Variants in TRUB2 observed in about 807,000 individuals in gnomAD.
TRUB2 encodes the protein TruB pseudouridine synthase family member 2.
A neutral mutation model predicts 31.9 loss-of-function variants in TRUB2; 31 were observed. The observed-to-expected ratio is 0.97, with a 90% CI of 0.73 to 1.31. The LOEUF (loss-of-function observed/expected upper bound fraction) is 1.31, where lower values mean the gene tolerates loss of function less well. Among genes scored for constraint, TRUB2 ranks in the 50% most tolerant of loss-of-function variants. TRUB2 has a pLI of 0.00. For synonymous variants in TRUB2, 201 were observed against 182.6 expected (o/e 1.10, Z -0.81); for missense variants, 451 against 439.6 (o/e 1.03, Z -0.23).
At chr9:128,320,403 G>A (rs952975350) in intron 2 of TRUB2, among the ~76,000 whole-genome samples, 1 of 151,452 alleles carries the variant, frequency 6.6e-6, no homozygotes, top group Admixed American at 6.6e-5. Flanking sequence ...CACAACCTAA[G>A]CTCACCGCAA....
intron 3 of TRUB2, 34 bp from the exon 4 acceptor site, chr9:128,315,662 AC>A: frequency 6.2e-7 from 1 of 1,604,954 alleles, no homozygotes; most frequent in Non-Finnish European, 8.5e-7. Context: ...CACACCTGGG[AC>A]CCCCTTCCCA....
intron 3 of TRUB2, 53 bp downstream of exon 3, chr9:128,317,099 G>T: frequency 6.6e-7 from 1 of 1,504,168 alleles, no homozygotes. Context: ...GGTAGCTTCA[G>T]GATCTTTTCT....
At chr9:128,316,301 G>A (rs1245991494) in intron 3 of TRUB2, 1 of 152,388 alleles carries the variant, frequency 6.6e-6, no homozygotes, top group Non-Finnish European at 1.5e-5. Flanking sequence ...CTAAGGCAGG[G>A]AGAATTGCTT....
Position 128,307,885 on chromosome 9 carries a change from G to C in TRUB2, c.*1665C>G, listed in dbSNP as rs546040103. 2 of 151,756 alleles carry C rather than the reference G, an allele frequency of 1.3e-5. No homozygotes were observed. Among genetic ancestry groups the C allele is most frequent in the African/African-American group, 4.9e-5 (2 of 41,236 alleles). The allele number at this position is 151,756 out of a possible 1,614,324, so 9.4% of individuals were successfully genotyped here. A position where few individuals can be genotyped will look rare whatever the true frequency, so the allele number is the denominator to read the frequency against. On this transcript the variant is annotated 3_prime_UTR_variant, in exon 8 of 8. Coordinates refer to ENST00000372890, the MANE Select transcript of TRUB2 (RefSeq NM_015679.3). Reference sequence around the variant, plus strand: ...TCACTGCACTCCAGCCTGGGTGACAGAGCAAGACCCTGTCTAAAAAACAAA... The same window carrying C: ...TCACTGCACTCCAGCCTGGGTGACACAGCAAGACCCTGTCTAAAAAACAAA...
At chr9:128,311,176 G>T in intron 6 of TRUB2, 153 bp from the exon 7 acceptor site, 2 of 1,062,630 alleles carry the variant, frequency 1.9e-6, no homozygotes, top group Non-Finnish European at 2.7e-6. Context: ...CCAGGTGCCT[G>T]GTAGAGTCAG....
At chr9:128,312,787 G>C (rs1831995954) in intron 5 of TRUB2, among the ~76,000 whole-genome samples, 1 of 151,634 alleles carries the variant, frequency 6.6e-6, no homozygotes, top group Admixed American at 6.6e-5. Flanking sequence ...GCTAATTTTT[G>C]TATTTTTACT....
At chr9:128,320,370 T>C (rs570649834) in intron 2 of TRUB2, among the ~76,000 whole-genome samples, 82 of 151,712 alleles carry the variant, frequency 5.4e-4, no homozygotes, top group African/African-American at 1.9e-3. Flanking sequence ...TTCACTCTTA[T>C]TGTCCAGGCT....
intron 6 of TRUB2, 26 bp from the exon 7 acceptor site, chr9:128,311,049 C>T: frequency 6.2e-7 from 1 of 1,600,148 alleles, no homozygotes; most frequent in Non-Finnish European, 8.5e-7. Flanking sequence ...GGGGCTGCAG[C>T]TGGGTGGCCC....
chr9:128,321,855 C>T lies in TRUB2; in HGVS notation c.110-125G>A, dbSNP rs117899442. On this transcript the variant is annotated intron_variant, in intron 1 of 7. Coordinates refer to ENST00000372890, the MANE Select transcript of TRUB2 (RefSeq NM_015679.3). ...AGTGCAATGGCGCCATCATAGCTCA[C>T]TGTAACGTCAAACTCTTGGGCTCAA... 7.1e-3 allele frequency: 7,691 copies of T among 1,081,946 alleles called. 49 individuals are homozygous for T. The highest frequency in any genetic ancestry group is 0.01 in the South Asian group (666 of 64,700). 67.0% of individuals were successfully genotyped at this position (1,081,946 alleles called of 1,614,324 possible).
chr9:128,319,261 G>A (rs1832121695), intron 2 of TRUB2, among the ~76,000 whole-genome samples: 1 of 151,514 alleles, frequency 6.6e-6, no homozygotes, highest in Non-Finnish European at 1.5e-5. Flanking sequence ...AGGAGGAGAA[G>A]CTTGCAGTGA....
rs1831889778 is a variant in TRUB2, at chr9:128,307,676, G to A, written c.*1874C>T. ...GACCCAGGAGGGTCGAGGCTGCAAT[G>A]AGTTGAAACCGCGCCACTGCACTCT... On this transcript the variant is annotated 3_prime_UTR_variant, in exon 8 of 8. Transcript: ENST00000372890. 1 of 152,148 alleles carries A rather than the reference G, an allele frequency of 6.6e-6. No homozygotes were observed. Among genetic ancestry groups the A allele is most frequent in the Non-Finnish European group, 1.5e-5 (1 of 68,054 alleles). 9.4% of individuals were successfully genotyped at this position (152,148 alleles called of 1,614,324 possible).
chr9:128,315,032 G>A (rs1258646047), intron 4 of TRUB2, among the ~76,000 whole-genome samples: 2 of 152,134 alleles, frequency 1.3e-5, no homozygotes, highest in Admixed American at 6.6e-5. Context: ...AAAAACATGG[G>A]CCCCATAACG....
intron 7 of TRUB2, 29 bp from the exon 8 acceptor site, chr9:128,309,904 G>A (rs753609595): frequency 6.2e-7 from 1 of 1,604,230 alleles, no homozygotes; most frequent in South Asian, 1.1e-5. Context: ...GACAGACATG[G>A]TGGTGAGAGC....
In TRUB2 at chr9:128,315,620, C is replaced by T. The variant is rs770486216; in HGVS notation, c.325G>A (p.Val109Met). 76 of 1,613,464 alleles carry T rather than the reference C, an allele frequency of 4.7e-5. No individual in the cohort carries two copies. Among genetic ancestry groups the T allele is most frequent in the Non-Finnish European group, 5.4e-5 (64 of 1,179,804 alleles). Residue 109 changes from valine to methionine, a missense_variant, in exon 4 of 8, where the codon GTG becomes ATG. Coordinates refer to ENST00000372890, the MANE Select transcript of TRUB2 (RefSeq NM_015679.3). ...AQASGVLVLG[V>M]GHGCRLLTDM... Reference sequence around the variant, plus strand: ...GTGAGGAGCCTGCATCCATGTCCCACGCCGAGCACTGAAAAGCAGCCAGCG... The same window carrying T: ...GTGAGGAGCCTGCATCCATGTCCCATGCCGAGCACTGAAAAGCAGCCAGCG...
At position 128,317,158 on chromosome 9, in the gene TRUB2, C is replaced by T. The variant is rs1166783849; in HGVS notation, c.310G>A (p.Val104Ile). 1 of 1,580,198 alleles carries T rather than the reference C, an allele frequency of 6.3e-7. No homozygotes were observed. The highest frequency in any genetic ancestry group is 8.6e-7 in the Non-Finnish European group (1 of 1,160,944). Residue 104 changes from valine (V) to isoleucine (I), a missense_variant, in exon 3 of 8, where the codon GTA becomes ATA. By Grantham distance (29) the Val-to-Ile change is conservative. Transcript: ENST00000372890. ...GHRLDAQASG[V>I]LVLGVGHGCR... ...GGCTTCTCACATCACCTACCAAGTA[C>T]TCCAGAAGCCTGGGCATCCAACCGA...
intron 2 of TRUB2, 98 bp downstream of exon 2, chr9:128,321,501 T>C: frequency 6.3e-7 from 1 of 1,587,666 alleles, no homozygotes; most frequent in Non-Finnish European, 8.6e-7. Context: ...CTGTGGACCT[T>C]CAAGGGCCTG....
chr9:128,309,679 C>G lies in TRUB2; in HGVS notation c.867G>C (p.Gln289His). The change falls in exon 8 of 8, where the codon CAG (glutamine) becomes CAC (histidine). Residue 289 changes from glutamine to histidine, a missense_variant. Physicochemically the swap from Gln to His is conservative, Grantham distance 24. Transcript: ENST00000372890. ...AGCTCTTCTCCAGCTCTGCAGCTAC[C>G]TGAGGGGTAGCAGCCCGGATAGCAT... is the stretch of plus-strand genomic sequence containing the variant. ...IQDAIRAATP[Q>H]VAAELEKSLS... 1 of 1,614,242 alleles carries G rather than the reference C, an allele frequency of 6.2e-7. No individual in the cohort carries two copies. Among genetic ancestry groups the G allele is most frequent in the Non-Finnish European group, 8.5e-7 (1 of 1,180,044 alleles).
intron 5 of TRUB2, among the ~76,000 whole-genome samples, chr9:128,312,776 G>A (rs1305768211): frequency 2.6e-5 from 4 of 151,802 alleles, no homozygotes; most frequent in Admixed American, 6.5e-5. Flanking sequence ...CACCACGCCC[G>A]GCTAATTTTT....
intron 6 of TRUB2, 38 bp from the exon 7 acceptor site, chr9:128,311,061 C>T: frequency 6.2e-7 from 1 of 1,604,728 alleles, no homozygotes; most frequent in Non-Finnish European, 8.5e-7. Context: ...GGGTGGCCCA[C>T]CTACCCTTTC....
Sources: allele counts gnomAD v4.1 joint callset (sites outside exome capture counted in the v4.1 genomes callset), GRCh38; gene constraint gnomAD v4.1.1; transcripts MANE v1.5; gene names NCBI Gene and HGNC (gene_info 2026-07-23, HGNC 2026-07-21).